The following ZNF469 variants were observed in gnomAD, a reference collection of about 807,000 sequenced individuals.
ZNF469 encodes the protein zinc finger protein 469.
ZNF469 carries 1 observed loss-of-function variant against 1.0 expected under a neutral mutation model. The observed-to-expected ratio is 1.00, with a 90% confidence interval of 0.35 to 4.73. The LOEUF is 4.73. ZNF469 is among the 30% of genes most tolerant of loss of function. The pLI is 0.16. For synonymous variants in ZNF469, 2,703 were observed against 2,363.4 expected, an observed-to-expected ratio of 1.14 and a Z score of -4.17; for missense variants, 6,100 against 5,356.3, an observed-to-expected ratio of 1.14 and a Z score of -4.33.
chr16:88,351,013 A>G, the ZNF469 span, among the ~76,000 whole-genome samples: 1 of 152,232 alleles, frequency 6.6e-6, no homozygotes, highest in African/African-American at 2.4e-5. Context: ...GGCCTGTTGC[A>G]GCAGCAAGGC....
the ZNF469 span, among the ~76,000 whole-genome samples, chr16:88,252,651 T>C: frequency 1.3e-5 from 2 of 152,244 alleles, no homozygotes; most frequent in Non-Finnish European, 2.9e-5. Context: ...TATGTTGATA[T>C]CTATAGAGAC....
At chr16:88,227,653 G>A in the ZNF469 span, among the ~76,000 whole-genome samples, 1 of 151,528 alleles carries the variant, frequency 6.6e-6, no homozygotes, top group Admixed American at 6.6e-5. Flanking sequence ...CCTCCCAAGG[G>A]TGCCTGCCTT....
the ZNF469 span, among the ~76,000 whole-genome samples, chr16:88,308,593 G>C: frequency 1.3e-5 from 2 of 152,150 alleles, no homozygotes; most frequent in Admixed American, 1.3e-4. Context: ...CCATGTCTTA[G>C]AGCAGGATTC....
the ZNF469 span, among the ~76,000 whole-genome samples, chr16:88,339,146 C>A: frequency 8.6e-6 from 1 of 116,022 alleles, no homozygotes; most frequent in African/African-American, 4.0e-5. Flanking sequence ...GAGTGGGAGC[C>A]AGGGAGGACA....
At chr16:88,193,198 A>G in the ZNF469 span, among the ~76,000 whole-genome samples, 9 of 23,466 alleles carry the variant, frequency 3.8e-4, no homozygotes, top group South Asian at 3.6e-3. Context: ...GGTGGTGGTG[A>G]TGGTGGTGGG....
the ZNF469 span, among the ~76,000 whole-genome samples, chr16:88,202,488 G>A: frequency 2.0e-5 from 3 of 152,264 alleles, no homozygotes; most frequent in East Asian, 1.9e-4. Context: ...TCTCAGGTGC[G>A]CCCCTGAGGT....
chr16:88,282,049 G>A, the ZNF469 span, among the ~76,000 whole-genome samples: 7 of 152,362 alleles, frequency 4.6e-5, no homozygotes, highest in Non-Finnish European at 1.0e-4. Flanking sequence ...TATTGTGCCA[G>A]TGTTGGTACC....
chr16:88,197,171 C>T, the ZNF469 span, among the ~76,000 whole-genome samples: 5 of 152,178 alleles, frequency 3.3e-5, no homozygotes, highest in Non-Finnish European at 5.9e-5. Context: ...TTCTAGCCTT[C>T]GGATAAAGCT....
Position 88,431,564 on chromosome 16 carries a change from G to C in ZNF469, c.4094G>C (p.Gly1365Ala), listed in dbSNP as rs766498455. Residue 1365 changes from glycine to alanine, a missense_variant, in exon 3 of 3, where the codon GGG becomes GCG. Physicochemically the swap from Gly to Ala is moderately conservative, Grantham distance 60. Transcript: ENST00000565624. Reference sequence around the variant, plus strand: ...GCTGGTTTTAACAGAGACCCCTTGGGGGTTCCAGTTGCCAAAAAGGGGCCT... The same window carrying C: ...GCTGGTTTTAACAGAGACCCCTTGGCGGTTCCAGTTGCCAAAAAGGGGCCT... ...DPAGFNRDPLGVPVAKKGPQP... is the reference protein window; with the variant it reads ...DPAGFNRDPLAVPVAKKGPQP... 2 of 1,550,420 alleles carry C rather than the reference G, an allele frequency of 1.3e-6. No homozygotes were observed. The highest frequency in any genetic ancestry group is 2.4e-5 in the South Asian group (2 of 84,058).
Position 88,428,090 on chromosome 16 carries a change from C to T in ZNF469, c.620C>T (p.Ala207Val), listed in dbSNP as rs1409186450. Residue 207 changes from alanine to valine, a missense_variant, in exon 3 of 3, where the codon GCC (alanine) becomes GTC (valine). Coordinates refer to ENST00000565624, the MANE Select transcript of ZNF469 (RefSeq NM_001367624.2). ...TSPSATPRPP[A>V]PGPPQSRGTS... ...CCAAGCGCCACCCCCAGGCCCCCAG[C>T]CCCGGGGCCCCCCCAGAGCAGGGGC... 2 of 1,549,888 alleles carry T rather than the reference C, an allele frequency of 1.3e-6. No homozygotes were observed. Among genetic ancestry groups the T allele is most frequent in the Non-Finnish European group, 8.7e-7 (1 of 1,146,816 alleles).
In ZNF469 at chr16:88,436,509, C is replaced by G; in HGVS notation, c.9039C>G (p.Leu3013=). 10 of 1,548,688 alleles carry G rather than the reference C, an allele frequency of 6.5e-6. No individual in the cohort carries two copies. The highest frequency in any genetic ancestry group is 8.7e-6 in the Non-Finnish European group (10 of 1,146,962). Residue 3013 remains leucine (L), a synonymous_variant, in exon 3 of 3, where the codon CTC becomes CTG. Coordinates refer to ENST00000565624, the MANE Select transcript of ZNF469 (RefSeq NM_001367624.2). ...PAPADDSSSS[L]GDVSPEPPSL... ...CTGCCGATGACTCCTCCTCTTCTCT[C>G]GGAGATGTGAGCCCCGAGCCCCCCA...
the ZNF469 span, among the ~76,000 whole-genome samples, chr16:88,341,302 G>A: frequency 6.6e-6 from 1 of 152,150 alleles, no homozygotes; most frequent in Non-Finnish European, 1.5e-5. Context: ...ATTCTCCAGG[G>A]CCCAGGAGGC....
rs1906489314 is a variant in ZNF469, at chr16:88,435,286, C to A, written c.7816C>A (p.Gln2606Lys). ...QAREDELHPK[Q>K]AEKREGRRWR... is the part of the protein sequence containing the mutation. ...CAGGGAAGATGAGCTGCATCCCAAA[C>A]AGGCAGAAAAAAGAGAAGGCCGGAG... Residue 2606 changes from glutamine (Q) to lysine (K), a missense_variant, in exon 3 of 3, where the codon CAG becomes AAG. Gln to Lys is a moderately conservative substitution (Grantham distance 53, BLOSUM62 1). Coordinates refer to ENST00000565624, the MANE Select transcript of ZNF469 (RefSeq NM_001367624.2). The A allele has an allele frequency of 6.5e-7, 1 of 1,550,348 alleles. No homozygotes were observed.
chr16:88,113,057 T>C, the ZNF469 span, among the ~76,000 whole-genome samples: 70 of 152,224 alleles, frequency 4.6e-4, no homozygotes, highest in African/African-American at 1.4e-3. Flanking sequence ...GGATTACAGG[T>C]GTGAGCCACC....
the ZNF469 span, among the ~76,000 whole-genome samples, chr16:88,198,502 G>C: frequency 5.9e-5 from 9 of 152,250 alleles, no homozygotes; most frequent in African/African-American, 1.9e-4. Flanking sequence ...TCGAGCTCTG[G>C]AAATGCAGCT....
At chr16:88,346,611 A>G in the ZNF469 span, among the ~76,000 whole-genome samples, 1 of 152,240 alleles carries the variant, frequency 6.6e-6, no homozygotes, top group African/African-American at 2.4e-5. Flanking sequence ...CTGAACCTCC[A>G]GGCTCAAGCA....
At chr16:88,224,044 G>C in the ZNF469 span, among the ~76,000 whole-genome samples, 1 of 152,220 alleles carries the variant, frequency 6.6e-6, no homozygotes, top group East Asian at 1.9e-4. Flanking sequence ...TAAGAGCGAT[G>C]TTGACTTTTC....
chr16:88,394,863 T>A (rs1459528391), intron 1 of ZNF469, among the ~76,000 whole-genome samples: 1 of 152,030 alleles, frequency 6.6e-6, no homozygotes, highest in Non-Finnish European at 1.5e-5. Context: ...CCGAGATACC[T>A]GGGCCCACCA....
At chr16:88,151,315 C>T in the ZNF469 span, among the ~76,000 whole-genome samples, 4 of 152,228 alleles carry the variant, frequency 2.6e-5, no homozygotes, top group African/African-American at 4.8e-5. The surrounding 1 kb of genome is among the most constrained non-coding windows in gnomAD (Gnocchi z 5.4). Context: ...GGAGCGTCCA[C>T]GTGGTCAGCC....
Sources: allele counts gnomAD v4.1 joint callset (sites outside exome capture counted in the v4.1 genomes callset), GRCh38; gene constraint gnomAD v4.1.1; non-coding constraint Gnocchi (gnomAD v3.1); transcripts MANE v1.5; gene names NCBI Gene and HGNC (gene_info 2026-07-23, HGNC 2026-07-21).